ESYT1: variants seen among roughly 807,000 people sequenced by gnomAD.
The protein encoded by ESYT1 is extended synaptotagmin-1.
A neutral mutation model predicts 154.2 loss-of-function variants in ESYT1; 116 were observed. The observed-to-expected ratio is 0.75, with a 90% CI of 0.65 to 0.88. ESYT1 has a LOEUF of 0.88. ESYT1 is among the 40% of genes least tolerant of loss of function. The probability of loss-of-function intolerance (pLI) is 0.00; values close to 1 mark genes in which losing one functional copy is unlikely to be tolerated. For synonymous variants in ESYT1, 500 were observed against 539.9 expected, an observed-to-expected ratio of 0.93 and a Z score of 1.02; for missense variants, 1,264 against 1,379.3, an observed-to-expected ratio of 0.92 and a Z score of 1.32.
chr12:56,128,739 G>T, intron 1 of ESYT1, 30 bp downstream of exon 1: 1 of 1,610,572 alleles, frequency 6.2e-7, no homozygotes. Flanking sequence ...CCTCTGTGCA[G>T]CATAGCCCCC....
intron 28 of ESYT1, 23 bp downstream of exon 28, chr12:56,143,171 G>T (rs1395878191): frequency 1.2e-6 from 2 of 1,614,160 alleles, no homozygotes; most frequent in Non-Finnish European, 1.7e-6. Flanking sequence ...GCATTCAGGT[G>T]GAGAGATGGC....
rs1870475782 is a variant in ESYT1 at position 56,136,777 on chromosome 12, G to A, written c.1666G>A (p.Ala556Thr). ...TGATTCCAGGGCCCTGACTTTAGGA[G>A]CACTGACGCTGCCTCTGGCCCGCCT... ...KDDSRALTLG[A>T]LTLPLARLLT... Residue 556 changes from alanine (A) to threonine (T), a missense_variant, in exon 16 of 31, where the codon GCA becomes ACA. Physicochemically the swap from Ala to Thr is moderately conservative, Grantham distance 58 (BLOSUM62 0). Coordinates refer to ENST00000394048, the MANE Select transcript of ESYT1 (RefSeq NM_015292.3). 2 of 1,612,238 alleles carry A rather than the reference G, an allele frequency of 1.2e-6. No individual in the cohort carries two copies. The highest frequency in any genetic ancestry group is 1.7e-6 in the Non-Finnish European group (2 of 1,178,908).
At chr12:56,141,612 C>T (rs1449983077) in intron 24 of ESYT1, among the ~76,000 whole-genome samples, 2 of 152,200 alleles carry the variant, frequency 1.3e-5, no homozygotes, top group Admixed American at 1.3e-4. Context: ...TGGTGGCGGA[C>T]ACCTGTAGTC....
chr12:56,138,640 G>C, intron 22 of ESYT1, 128 bp from the exon 23 acceptor site: 11 of 1,293,372 alleles, frequency 8.5e-6, no homozygotes, highest in Non-Finnish European at 1.2e-5. Flanking sequence ...AAAGTTGTCT[G>C]TTCAAGGCCA....
intron 15 of ESYT1, among the ~76,000 whole-genome samples, chr12:56,135,418 C>T (rs560376719): frequency 3.3e-5 from 5 of 150,784 alleles, no homozygotes; most frequent in East Asian, 2.0e-4. Context: ...GTGATCCGCC[C>T]GTCTCAGCCT....
intron 19 of ESYT1, 30 bp downstream of exon 19, chr12:56,137,944 A>G: frequency 6.2e-7 from 1 of 1,613,740 alleles, no homozygotes; most frequent in Non-Finnish European, 8.5e-7. Flanking sequence ...CGTGAAAAAC[A>G]GGCTGGGGCT....
chr12:56,130,154 G>A (rs1448452305), intron 1 of ESYT1, among the ~76,000 whole-genome samples: 1 of 152,044 alleles, frequency 6.6e-6, no homozygotes, highest in East Asian at 1.9e-4. Context: ...CTCGTGATCC[G>A]CCGGCCTCGG....
chr12:56,134,876 G>A (rs1464953072), intron 15 of ESYT1, among the ~76,000 whole-genome samples: 2 of 152,246 alleles, frequency 1.3e-5, no homozygotes, highest in East Asian at 1.9e-4. Context: ...TGGGATTATA[G>A]GCATGAGCCA....
chr12:56,133,904 G>A, intron 13 of ESYT1, 31 bp downstream of exon 13: 1 of 1,605,960 alleles, frequency 6.2e-7, no homozygotes, highest in Non-Finnish European at 8.5e-7. Flanking sequence ...AGGAGCCCTG[G>A]ATGTAACATT....
Position 56,138,498 on chromosome 12 carries a change from C to A in ESYT1, c.2432C>A (p.Pro811Gln). The A allele has an allele frequency of 6.2e-7, 1 of 1,603,412 alleles. No individual in the cohort carries two copies. The highest frequency in any genetic ancestry group is 1.7e-5 in the Admixed American group (1 of 58,888). ...SIYMERAEDLPLRKGTKHLSP... is the reference protein window; with the variant it reads ...SIYMERAEDLQLRKGTKHLSP... ...TATATGGAGCGGGCAGAGGACCTCC[C>A]GGTGAGATCCCGCTCCCCATGCCCC... is the stretch of plus-strand genomic sequence containing the variant. The change falls in exon 22 of 31, where the codon CCG becomes CAG. Residue 811 changes from proline (P) to glutamine (Q), a missense_variant and splice_region_variant. Coordinates refer to ENST00000394048, the MANE Select transcript of ESYT1 (RefSeq NM_015292.3).
intron 16 of ESYT1, 65 bp from the exon 17 acceptor site, chr12:56,137,153 C>T: frequency 1.3e-6 from 2 of 1,592,226 alleles, no homozygotes; most frequent in Non-Finnish European, 1.7e-6. Context: ...TACCCCACCC[C>T]ACATGCTTTG....
rs1870263363 is a variant in ESYT1, at chr12:56,132,212, ACT to A, written c.869_870del (p.Ser290Ter). The A allele has an allele frequency of 6.2e-7, 1 of 1,613,900 alleles. No individual in the cohort carries two copies. On this transcript the variant is annotated frameshift_variant, in exon 8 of 31. Coordinates refer to ENST00000394048, the MANE Select transcript of ESYT1 (RefSeq NM_015292.3). LOFTEE classifies it high-confidence loss of function. ...NLLDIPGLSS[L>X]SDTMIMDSIA... Reference sequence around the variant, plus strand: ...TCCTTTCTACTCCCCCATTCAGCTCACTCTCTGACACCATGATCATGGACTCC... The same window carrying A: ...TCCTTTCTACTCCCCCATTCAGCTCACTCTGACACCATGATCATGGACTCC...
Position 56,137,489 on chromosome 12 carries a change from C to T in ESYT1, c.1939-10C>T. The T allele has an allele frequency of 6.2e-7, 1 of 1,610,244 alleles. No individual in the cohort carries two copies. Among genetic ancestry groups the T allele is most frequent in the Non-Finnish European group, 8.5e-7 (1 of 1,177,116 alleles). ...CTTTGCCATCTGGCACCCCCCCGTC[C>T]CTTTTGCAGCATGTGCTTCGGATCC... On this transcript the variant is annotated splice_polypyrimidine_tract_variant and intron_variant, in intron 17 of 30. Coordinates refer to ENST00000394048, the MANE Select transcript of ESYT1 (RefSeq NM_015292.3).
intron 28 of ESYT1, 30 bp from the exon 29 acceptor site, chr12:56,143,198 C>T (rs1357269661): frequency 6.2e-7 from 1 of 1,614,046 alleles, no homozygotes; most frequent in Non-Finnish European, 8.5e-7. Flanking sequence ...GGAAAGGACT[C>T]CTGGCCCCTA....
chr12:56,142,628 C>T lies in ESYT1; in HGVS notation c.2784C>T (p.Ser928=). Residue 928 remains serine, a synonymous_variant, in exon 26 of 31, where the codon AGC becomes AGT. Coordinates refer to ENST00000394048, the MANE Select transcript of ESYT1 (RefSeq NM_015292.3). The surrounding 1 kb of genome is among the most constrained non-coding windows in gnomAD (Gnocchi z 4.1). ...SGVEAHSHSY[S]HSSSSLSEEP... ...TGGAAGCTCATAGCCACAGCTACAG[C>T]CACAGCTCCTCATCGCTGAGTGAAG... 6.2e-7 allele frequency: 1 copy of T among 1,614,116 alleles called. No homozygotes were observed. The highest frequency in any genetic ancestry group is 8.5e-7 in the Non-Finnish European group (1 of 1,180,034).
In ESYT1 at chr12:56,142,869, G is replaced by A. The variant is rs750802746; in HGVS notation, c.2923G>A (p.Val975Met). The A allele has an allele frequency of 1.1e-5, 17 of 1,614,198 alleles. No individual in the cohort carries two copies. The East Asian group carries it at 2.2e-4, about 21-fold the overall frequency. Reference protein sequence around the residue: ...LEAPAGPLGQVKLTLWYYSEE... With the variant: ...LEAPAGPLGQMKLTLWYYSEE... The stretch of plus-strand genomic sequence containing the variant: ...GGCTCCAGCCGGGCCTCTGGGCCAG[G>A]TGAAACTGACTCTGTGGTACTACAG... The change falls in exon 27 of 31, where the codon GTG becomes ATG. Residue 975 changes from valine (V) to methionine (M), a missense_variant. Val to Met is a conservative substitution (Grantham distance 21). Transcript: ENST00000394048. This position sits in a 1 kb window ranked among gnomAD's most constrained non-coding sequence, Gnocchi z 4.1.
chr12:56,138,552 C>T, intron 22 of ESYT1, 53 bp downstream of exon 22: 1 of 1,511,292 alleles, frequency 6.6e-7, no homozygotes, highest in Non-Finnish European at 9.0e-7. Context: ...TTCCACCTTC[C>T]TCCGGTTTGG....
At chr12:56,130,245 C>T in intron 1 of ESYT1, 2 of 411,194 alleles carry the variant, frequency 4.9e-6, no homozygotes, top group Non-Finnish European at 9.0e-6. Flanking sequence ...AGGATTCCCT[C>T]AAACTCCAAT....
intron 15 of ESYT1, among the ~76,000 whole-genome samples, chr12:56,135,799 G>A (rs914630153): frequency 5.9e-5 from 9 of 151,558 alleles, no homozygotes; most frequent in African/African-American, 1.9e-4. Flanking sequence ...GGCTGAGGTA[G>A]AATTGCTTGA....
Sources: gnomAD v4.1 joint callset for allele counts (sites outside exome capture counted in the v4.1 genomes callset) on GRCh38, gnomAD v4.1.1 for gene constraint, Gnocchi (gnomAD v3.1) non-coding constraint, MANE v1.5 for transcripts, NCBI Gene and HGNC (gene_info 2026-07-23, HGNC 2026-07-21) for gene names.